Variants in B3GALT5 observed in about 807,000 individuals in gnomAD.
The protein encoded by B3GALT5 is beta-1,3-galactosyltransferase 5.
For missense variants in B3GALT5, 328 were observed against 396.6 expected (o/e 0.83, Z 1.47); for synonymous variants, 156 against 158.6 (o/e 0.98, Z 0.12).
Position 39,661,855 on chromosome 21 carries a change from A to G in B3GALT5, c.*363A>G, listed in dbSNP as rs2079529697. On this transcript the variant is annotated 3_prime_UTR_variant, in exon 4 of 4. Coordinates refer to ENST00000684187, the MANE Select transcript of B3GALT5 (RefSeq NM_001356336.2). The surrounding 1 kb of genome is among the most constrained non-coding windows in gnomAD (Gnocchi z 4.7). ...AAGGCTCACAGCCAGTAGGCATAGGAGCGGGAATGAAAATCGAGCACTGTC... is the reference window on the plus strand; with the variant it reads ...AAGGCTCACAGCCAGTAGGCATAGGGGCGGGAATGAAAATCGAGCACTGTC... The G allele has an allele frequency of 5.4e-6, 1 of 186,668 alleles. No homozygotes were observed. The highest frequency in any genetic ancestry group is 1.2e-5 in the Non-Finnish European group (1 of 81,626). 11.6% of individuals were successfully genotyped at this position (186,668 alleles called of 1,614,324 possible).
chr21:39,661,697 T>A lies in B3GALT5; in HGVS notation c.*205T>A, dbSNP rs1269332385. The A allele has an allele frequency of 4.1e-6, 2 of 489,450 alleles. No individual in the cohort carries two copies. Among genetic ancestry groups the A allele is most frequent in the African/African-American group, 3.9e-5 (2 of 51,386 alleles). 30.3% of individuals were successfully genotyped at this position (489,450 alleles called of 1,614,324 possible). On this transcript the variant is annotated 3_prime_UTR_variant, in exon 4 of 4. Coordinates refer to ENST00000684187, the MANE Select transcript of B3GALT5 (RefSeq NM_001356336.2). This position sits in a 1 kb window ranked among gnomAD's most constrained non-coding sequence, Gnocchi z 4.7. The stretch of plus-strand genomic sequence containing the variant: ...GCCCGTCTCTTGGGCACGCACACTC[T>A]TCATACTAAGTGTTTGACATACACC...
In B3GALT5 at chr21:39,653,372, C is replaced by T. The variant is rs778494753; in HGVS notation, c.-160-6381C>T. ...TTATTGCCTCTTGGCTCCAAATTCA[C>T]CCTTTTTGCCTGGTCTCTGGAAATG... On this transcript the variant is annotated intron_variant, in intron 2 of 3. Transcript: ENST00000684187. Among the ~76,000 whole-genome samples the T allele has an allele frequency of 6.9e-4, 105 of 152,204 alleles. 1 individual carries two copies. The highest frequency in any genetic ancestry group is 4.6e-4 in the Admixed American group (7 of 15,288).
In B3GALT5 at chr21:39,669,607, G is replaced by T. The variant is rs978710494; in HGVS notation, c.*8115G>T. 5 of 152,118 alleles carry T rather than the reference G, an allele frequency of 3.3e-5. No homozygotes were observed. Among genetic ancestry groups the T allele is most frequent in the African/African-American group, 1.2e-4 (5 of 41,406 alleles). 9.4% of individuals were successfully genotyped at this position (152,118 alleles called of 1,614,324 possible). ...TTCCAGTGCCTTCTCTGTGGGCATC[G>T]TAAGCCATGTCCATCCATACCTGCT... On this transcript the variant is annotated 3_prime_UTR_variant, in exon 4 of 4. Coordinates refer to ENST00000684187, the MANE Select transcript of B3GALT5 (RefSeq NM_001356336.2).
At chr21:39,639,350 C>CTTT (rs1569212187) in intron 1 of B3GALT5, among the ~76,000 whole-genome samples, 3,640 of 101,238 alleles carry the variant, frequency 0.036, 76 homozygotes, top group Non-Finnish European at 0.041. Flanking sequence ...TTCTTTCTTT[C>CTTT]CTTCCTTCCT....
intron 1 of B3GALT5, among the ~76,000 whole-genome samples, chr21:39,614,716 C>T (rs575774191): frequency 7.2e-5 from 11 of 152,294 alleles, no homozygotes; most frequent in Middle Eastern, 3.4e-3. Context: ...CCAGTTCAGA[C>T]GGGTCCAAGA....
intron 1 of B3GALT5, among the ~76,000 whole-genome samples, chr21:39,622,961 C>A (rs1263949939): frequency 6.6e-6 from 1 of 152,022 alleles, no homozygotes; most frequent in Non-Finnish European, 1.5e-5. Context: ...CTGGTATTTT[C>A]TCTATCATGA....
intron 2 of B3GALT5, among the ~76,000 whole-genome samples, chr21:39,653,510 C>T (rs562552510): frequency 7.2e-5 from 11 of 152,304 alleles, no homozygotes; most frequent in South Asian, 6.2e-4. Flanking sequence ...GGTTCAGGGA[C>T]GCTGGTTTGG....
At chr21:39,617,936 G>C (rs551680045) in intron 1 of B3GALT5, among the ~76,000 whole-genome samples, 11 of 152,050 alleles carry the variant, frequency 7.2e-5, no homozygotes, top group Admixed American at 4.6e-4. Flanking sequence ...CCAAGAGTTT[G>C]ATACCAGCCT....
intron 1 of B3GALT5, among the ~76,000 whole-genome samples, chr21:39,622,149 T>G (rs922670162): frequency 7.9e-5 from 12 of 152,126 alleles, no homozygotes; most frequent in Admixed American, 4.6e-4. Context: ...TTTTGAGGCC[T>G]ACTTTTGAAA....
chr21:39,639,393 T>TCC (rs1228603521), intron 1 of B3GALT5, among the ~76,000 whole-genome samples: 6 of 95,522 alleles, frequency 6.3e-5, no homozygotes, highest in African/African-American at 2.3e-4. Context: ...CTTCCTTCCT[T>TCC]CTTTCTTTTT....
chr21:39,639,385 TCCTTCCTTC>T (rs2079262965), intron 1 of B3GALT5, among the ~76,000 whole-genome samples: 4 of 134,046 alleles, frequency 3.0e-5, no homozygotes, highest in African/African-American at 8.5e-5. Context: ...CTTCCTTCCT[TCCTTCCTTC>T]TTTCTTTTTC....
chr21:39,657,749 C>A, intron 2 of B3GALT5: 1 of 772,280 alleles, frequency 1.3e-6, no homozygotes, highest in Non-Finnish European at 1.8e-6. Context: ...ATCAATCTTT[C>A]TATCTATCCA....
chr21:39,636,639 G>T (rs969033960), intron 1 of B3GALT5, among the ~76,000 whole-genome samples: 1 of 152,032 alleles, frequency 6.6e-6, no homozygotes, highest in Admixed American at 6.6e-5. Context: ...TGTTGCCCAC[G>T]AATTCCCTGT....
At position 39,672,179 on chromosome 21, in the gene B3GALT5, C is replaced by A. The variant is rs569401426; in HGVS notation, c.*10687C>A. 4 of 152,358 alleles carry A rather than the reference C, an allele frequency of 2.6e-5. No homozygotes were observed. Among genetic ancestry groups the A allele is most frequent in the Non-Finnish European group, 4.4e-5 (3 of 68,042 alleles). The allele number at this position is 152,358 out of a possible 1,614,324, so 9.4% of individuals were successfully genotyped here. On this transcript the variant is annotated 3_prime_UTR_variant, in exon 4 of 4. Coordinates refer to ENST00000684187, the MANE Select transcript of B3GALT5 (RefSeq NM_001356336.2). Reference sequence around the variant, plus strand: ...TGGCGTGGACACAGCCAGGCGCAGACCCTCCTGCCAGCGAAGCCAGCGTGA... The same window carrying A: ...TGGCGTGGACACAGCCAGGCGCAGAACCTCCTGCCAGCGAAGCCAGCGTGA...
chr21:39,642,439 T>C (rs752665230), intron 1 of B3GALT5, among the ~76,000 whole-genome samples: 1 of 152,212 alleles, frequency 6.6e-6, no homozygotes, highest in African/African-American at 2.4e-5. Context: ...TGGAAGGGCA[T>C]TGGAGACCCA....
At position 39,638,984 on chromosome 21, in the gene B3GALT5, G is replaced by A. The variant is rs113520969; in HGVS notation, c.-391-7408G>A. Among the ~76,000 whole-genome samples, 202 of 152,294 alleles carry A rather than the reference G, an allele frequency of 1.3e-3. 1 individual carries two copies. The highest frequency in any genetic ancestry group is 4.7e-3 in the African/African-American group (197 of 41,554). On this transcript the variant is annotated intron_variant, in intron 1 of 3. Coordinates refer to ENST00000684187, the MANE Select transcript of B3GALT5 (RefSeq NM_001356336.2). Reference sequence around the variant, plus strand: ...GCATGCTGACTGAAGCCAGTTTCCCGTGTACAGCTCTTCAATCTTAACAGT... The same window carrying A: ...GCATGCTGACTGAAGCCAGTTTCCCATGTACAGCTCTTCAATCTTAACAGT...
chr21:39,639,367 C>CTTCTTTCT (rs1569212237), intron 1 of B3GALT5, among the ~76,000 whole-genome samples: 3 of 123,546 alleles, frequency 2.4e-5, no homozygotes, highest in Admixed American at 9.0e-5. Flanking sequence ...TCCTTCCTTC[C>CTTCTTTCT]TTCCTTCCTT....
At chr21:39,624,093 T>A (rs2079151470) in intron 1 of B3GALT5, among the ~76,000 whole-genome samples, 1 of 152,216 alleles carries the variant, frequency 6.6e-6, no homozygotes, top group African/African-American at 2.4e-5. Context: ...TCTTTCTCAT[T>A]TATCTCCAGA....
intron 1 of B3GALT5, among the ~76,000 whole-genome samples, chr21:39,627,074 G>A (rs1004348814): frequency 6.6e-5 from 10 of 152,124 alleles, no homozygotes; most frequent in African/African-American, 2.4e-4. Flanking sequence ...GAAGCCAACT[G>A]CCATGATCAC....
Sources: gnomAD v4.1 joint callset for allele counts (sites outside exome capture counted in the v4.1 genomes callset) on GRCh38, gnomAD v4.1.1 for gene constraint, Gnocchi (gnomAD v3.1) non-coding constraint, MANE v1.5 for transcripts, NCBI Gene and HGNC (gene_info 2026-07-23, HGNC 2026-07-21) for gene names.